SVIL: variants seen among roughly 807,000 people sequenced by gnomAD.
SVIL encodes the protein archvillin.
A neutral mutation model predicts 240.4 loss-of-function variants in SVIL; 101 were observed. The ratio of observed to expected loss-of-function variants is 0.42; its 90% confidence interval spans 0.36 to 0.50. The LOEUF (loss-of-function observed/expected upper bound fraction) is 0.50, where lower values mean the gene tolerates loss of function less well. Among genes scored for constraint, SVIL ranks in the 20% least tolerant of loss-of-function variants. The pLI is 0.01. For synonymous variants in SVIL, 999 were observed against 1,100.0 expected (o/e 0.91, Z 1.82); for missense variants, 2,512 against 2,818.7 (o/e 0.89, Z 2.46).
intron 1 of SVIL, among the ~76,000 whole-genome samples, chr10:29,634,140 A>G (rs1486047706): frequency 2.6e-5 from 4 of 152,098 alleles, no homozygotes; most frequent in Admixed American, 2.0e-4. Flanking sequence ...GTACTAAGTT[A>G]TATTAATCAA....
intron 16 of SVIL, among the ~76,000 whole-genome samples, chr10:29,517,672 AGGGCAGAACACCATAGAG>A (rs1455715445): frequency 6.6e-6 from 1 of 152,172 alleles, no homozygotes; most frequent in Non-Finnish European, 1.5e-5. Flanking sequence ...CGGTCCCTCT[AGGGCAGAACACCATAGAG>A]GCGTGAGGTG....
At chr10:29,624,373 A>C (rs973561728) in intron 1 of SVIL, among the ~76,000 whole-genome samples, 7 of 152,080 alleles carry the variant, frequency 4.6e-5, no homozygotes, top group African/African-American at 1.2e-4. Context: ...CCCCATCTCT[A>C]CTAAAAATAC....
chr10:29,640,994 T>G (rs1243656774), intron 3 of SVIL, among the ~76,000 whole-genome samples: 3 of 152,268 alleles, frequency 2.0e-5, no homozygotes, highest in Non-Finnish European at 2.9e-5. Flanking sequence ...TAGCGCTTGC[T>G]TCTTACCCAT....
At chr10:29,733,428 G>A (rs866390680) in intron 1 of SVIL, among the ~76,000 whole-genome samples, 10 of 152,018 alleles carry the variant, frequency 6.6e-5, no homozygotes, top group Admixed American at 3.9e-4. Context: ...GGGCTCAAGC[G>A]ATCCTCCCAC....
intron 1 of SVIL, among the ~76,000 whole-genome samples, chr10:29,611,513 G>A (rs761495673): frequency 4.6e-4 from 70 of 152,060 alleles, no homozygotes; most frequent in Non-Finnish European, 7.1e-4. Context: ...ACATATGATG[G>A]TTCAAACACT....
chr10:29,719,992 T>C (rs190012732), intron 1 of SVIL, among the ~76,000 whole-genome samples: 4 of 152,228 alleles, frequency 2.6e-5, no homozygotes, highest in African/African-American at 9.6e-5. Flanking sequence ...ACAAGAAATA[T>C]AAACTAACGT....
chr10:29,518,012 G>A (rs1415188042), intron 16 of SVIL, among the ~76,000 whole-genome samples: 3 of 152,184 alleles, frequency 2.0e-5, no homozygotes, highest in African/African-American at 4.8e-5. Context: ...TTACTAATCC[G>A]GTGGGAAAAG....
chr10:29,542,563 A>C (rs1952257614), intron 6 of SVIL, among the ~76,000 whole-genome samples: 1 of 152,056 alleles, frequency 6.6e-6, no homozygotes, highest in South Asian at 2.1e-4. Context: ...TAGCAAGTGT[A>C]CGTATTTATG....
chr10:29,463,409 G>C (rs746508880), intron 35 of SVIL, 83 bp downstream of exon 35: 5 of 1,491,802 alleles, frequency 3.4e-6, no homozygotes, highest in Non-Finnish European at 4.5e-6. Context: ...ATGCACAGAA[G>C]GGGAAGGGGG....
chr10:29,620,995 C>A lies in SVIL; in HGVS notation c.-201+13425G>T, dbSNP rs116310915. On this transcript the variant is annotated intron_variant, in intron 1 of 37. Coordinates refer to ENST00000355867, the MANE Select transcript of SVIL (RefSeq NM_021738.3). ...TTTTTTTTTTTTTTTGTAGATATGGCGTCTCACTATATTTCCCAGGCTGGT... is the reference window on the plus strand; with the variant it reads ...TTTTTTTTTTTTTTTGTAGATATGGAGTCTCACTATATTTCCCAGGCTGGT... Among the ~76,000 whole-genome samples the A allele has an allele frequency of 4.3e-3, 624 of 143,518 alleles. 4 individuals carry two copies. Among genetic ancestry groups the A allele is most frequent in the African/African-American group, 0.016 (601 of 38,510 alleles). 94.2% of individuals were successfully genotyped at this position (143,518 alleles called of 152,430 possible).
intron 1 of SVIL, among the ~76,000 whole-genome samples, chr10:29,618,542 C>T (rs772309581): frequency 1.3e-5 from 2 of 152,190 alleles, no homozygotes; most frequent in African/African-American, 4.8e-5. Context: ...CCAGCCTGGA[C>T]GCTCTTGACC....
Position 29,561,347 on chromosome 10 carries a change from C to T in SVIL, c.-51+1854G>A, listed in dbSNP as rs373261974. Among the ~76,000 whole-genome samples the T allele has an allele frequency of 8.6e-5, 13 of 152,028 alleles. No homozygotes were observed. The East Asian group carries it at 1.2e-3, about 14-fold the overall frequency. Reference sequence around the variant, plus strand: ...TTGAACCTTAAGGAACCCAGCATTTCATCCTGTTTTTGATTTTTCTGCTCA... The same window carrying T: ...TTGAACCTTAAGGAACCCAGCATTTTATCCTGTTTTTGATTTTTCTGCTCA... On this transcript the variant is annotated intron_variant, in intron 3 of 37. Coordinates refer to ENST00000355867, the MANE Select transcript of SVIL (RefSeq NM_021738.3).
chr10:29,492,554 T>G (rs1948074058), intron 21 of SVIL, among the ~76,000 whole-genome samples: 1 of 152,144 alleles, frequency 6.6e-6, no homozygotes, highest in African/African-American at 2.4e-5. Context: ...GTTCAGCCAG[T>G]GAGCCGACAA....
At chr10:29,499,708 A>G (rs201910278) in intron 17 of SVIL, among the ~76,000 whole-genome samples, 374 of 133,782 alleles carry the variant, frequency 2.8e-3, no homozygotes, top group South Asian at 7.5e-3. Context: ...GTGAGCACAC[A>G]AGGAACTTGC....
intron 1 of SVIL, among the ~76,000 whole-genome samples, chr10:29,569,920 G>C (rs1225669047): frequency 6.6e-6 from 1 of 152,204 alleles, no homozygotes; most frequent in African/African-American, 2.4e-5. Context: ...CAAAGGAACA[G>C]GTTAATCAAA....
rs767662386 is a variant in SVIL at position 29,533,263 on chromosome 10, G to A, written c.1104C>T (p.Val368=). Residue 368 remains valine (V), a synonymous_variant, in exon 8 of 38, where the codon GTC becomes GTT. Transcript: ENST00000355867. ...CGGTGTGACCGGTATCTGCGGGTTG[G>A]ACATAGCCACGGATTGGCTGTCGTG... ...GSTRQPIRGY[V]QPADTGHTAK... The A allele has an allele frequency of 1.2e-6, 2 of 1,614,104 alleles. No homozygotes were observed. The highest frequency in any genetic ancestry group is 8.5e-7 in the Non-Finnish European group (1 of 1,180,030).
At chr10:29,536,850 G>T (rs1317714887) in intron 6 of SVIL, among the ~76,000 whole-genome samples, 1 of 147,818 alleles carries the variant, frequency 6.8e-6, no homozygotes, top group African/African-American at 2.5e-5. Context: ...GGTGGAGGTT[G>T]CAGTGAGCCG....
At chr10:29,681,809 C>G (rs988223107) in intron 2 of SVIL, among the ~76,000 whole-genome samples, 2 of 152,146 alleles carry the variant, frequency 1.3e-5, no homozygotes, top group African/African-American at 4.8e-5. Context: ...ATAAGGCTTG[C>G]TGCTTCTGCG....
chr10:29,710,937 G>T (rs940108369), intron 1 of SVIL, among the ~76,000 whole-genome samples: 1 of 152,168 alleles, frequency 6.6e-6, no homozygotes, highest in Non-Finnish European at 1.5e-5. Flanking sequence ...AGTCTAGGAA[G>T]CCATGAGGAC....
Sources: allele counts gnomAD v4.1 joint callset (sites outside exome capture counted in the v4.1 genomes callset), GRCh38; gene constraint gnomAD v4.1.1; transcripts MANE v1.5; gene names NCBI Gene and HGNC (gene_info 2026-07-23, HGNC 2026-07-21).